The following TENM2 variants were observed in gnomAD, a reference collection of about 807,000 sequenced individuals.
The protein encoded by TENM2 is teneurin transmembrane protein 2.
A neutral mutation model predicts 245.2 loss-of-function variants in TENM2; 52 were observed. That is an observed-to-expected ratio of 0.21 (90% CI 0.17 to 0.27). The LOEUF (loss-of-function observed/expected upper bound fraction) is 0.27. Ranked by LOEUF, TENM2 falls within the 10% of genes least tolerant of loss-of-function variation. TENM2 has a pLI of 1.00. For synonymous variants in TENM2, 1,363 were observed against 1,438.9 expected, an observed-to-expected ratio of 0.95 and a Z score of 1.19; for missense variants, 3,046 against 3,666.8, an observed-to-expected ratio of 0.83 and a Z score of 4.37.
At chr5:167,330,758 G>A (rs967833435) in intron 1 of TENM2, among the ~76,000 whole-genome samples, 1 of 152,142 alleles carries the variant, frequency 6.6e-6, no homozygotes, top group Non-Finnish European at 1.5e-5. Flanking sequence ...ATTTGCTATA[G>A]CATTTGAGGT....
In TENM2 at chr5:168,226,484, T is replaced by C. The variant is rs116836059; in HGVS notation, c.5284+221T>C. The stretch of plus-strand genomic sequence containing the variant: ...AGAATGTCATCTACACCCAGCCAAA[T>C]GTCTAGATATTTGAACTGTCTACAT... On this transcript the variant is annotated intron_variant, in intron 24 of 28. Transcript: ENST00000518659. Among the ~76,000 whole-genome samples, 791 of 152,266 alleles carry C rather than the reference T, an allele frequency of 5.2e-3. 5 individuals carry two copies. The highest frequency in any genetic ancestry group is 0.018 in the African/African-American group (762 of 41,552).
intron 2 of TENM2, among the ~76,000 whole-genome samples, chr5:167,464,006 G>A (rs1174488245): frequency 6.6e-6 from 1 of 152,158 alleles, no homozygotes; most frequent in East Asian, 1.9e-4. Context: ...TTAGGTGGGA[G>A]GATGAAGATC....
intron 2 of TENM2, among the ~76,000 whole-genome samples, chr5:167,636,053 C>A (rs1461278603): frequency 1.3e-5 from 2 of 151,936 alleles, no homozygotes; most frequent in African/African-American, 4.8e-5. Flanking sequence ...GTTCATTGAC[C>A]AGTTATTTTA....
chr5:168,153,914 G>A (rs1328380139), intron 12 of TENM2, among the ~76,000 whole-genome samples: 1 of 152,056 alleles, frequency 6.6e-6, no homozygotes, highest in Non-Finnish European at 1.5e-5. Flanking sequence ...ATGAGTTGGG[G>A]TGCGTTTTAG....
At chr5:167,777,831 A>C (rs1230073284) in intron 2 of TENM2, among the ~76,000 whole-genome samples, 1 of 152,226 alleles carries the variant, frequency 6.6e-6, no homozygotes, top group Non-Finnish European at 1.5e-5. Context: ...TCACAGAAAA[A>C]AAAATGCAAG....
chr5:168,065,518 G>A (rs534930720), intron 7 of TENM2, among the ~76,000 whole-genome samples: 7 of 152,082 alleles, frequency 4.6e-5, no homozygotes, highest in South Asian at 4.1e-4. Flanking sequence ...CTTTGTAAAC[G>A]AAAGCGCAAT....
the TENM2 span, among the ~76,000 whole-genome samples, chr5:167,147,248 G>C: frequency 6.6e-6 from 1 of 152,154 alleles, no homozygotes; most frequent in African/African-American, 2.4e-5. Flanking sequence ...AAGGATCTGA[G>C]CCTGCTCATT....
At chr5:167,651,262 G>A (rs1182435584) in intron 2 of TENM2, among the ~76,000 whole-genome samples, 1 of 152,018 alleles carries the variant, frequency 6.6e-6, no homozygotes, top group Non-Finnish European at 1.5e-5. Flanking sequence ...CTGAATATAT[G>A]ATGATTAAAG....
At chr5:167,463,457 A>G (rs898671588) in intron 2 of TENM2, among the ~76,000 whole-genome samples, 1 of 152,138 alleles carries the variant, frequency 6.6e-6, no homozygotes, top group Non-Finnish European at 1.5e-5. Flanking sequence ...TTCAGCAATT[A>G]TGTGTATGTG....
the TENM2 span, among the ~76,000 whole-genome samples, chr5:167,121,270 T>C: frequency 1.3e-5 from 2 of 152,080 alleles, no homozygotes; most frequent in African/African-American, 4.8e-5. Context: ...CTGAAGATTA[T>C]GAAAGCAGTA....
chr5:167,697,656 C>T (rs549189930), intron 2 of TENM2, among the ~76,000 whole-genome samples: 2 of 152,260 alleles, frequency 1.3e-5, no homozygotes, highest in Admixed American at 1.3e-4. Context: ...TCCCTACTAG[C>T]TGGGATTACA....
chr5:167,786,065 A>G (rs1213871229), intron 2 of TENM2, among the ~76,000 whole-genome samples: 1 of 152,090 alleles, frequency 6.6e-6, no homozygotes, highest in Non-Finnish European at 1.5e-5. Flanking sequence ...TCCTTACCCA[A>G]TGTGTCACAC....
intron 12 of TENM2, among the ~76,000 whole-genome samples, chr5:168,137,867 T>C (rs1755193564): frequency 6.6e-6 from 1 of 152,178 alleles, no homozygotes; most frequent in Non-Finnish European, 1.5e-5. Flanking sequence ...GAAAGATCAG[T>C]ATCTATTCAC....
At chr5:167,214,160 T>C in the TENM2 span, among the ~76,000 whole-genome samples, 1 of 152,234 alleles carries the variant, frequency 6.6e-6, no homozygotes, top group Non-Finnish European at 1.5e-5. Context: ...TGTCGTGTGA[T>C]GGTAAATGTT....
the TENM2 span, among the ~76,000 whole-genome samples, chr5:167,217,579 G>A: frequency 6.6e-6 from 1 of 151,880 alleles, no homozygotes; most frequent in Non-Finnish European, 1.5e-5. Context: ...ACCTGTGGCC[G>A]AGCTGTGCTA....
chr5:167,439,118 G>T (rs1038853448), intron 2 of TENM2, among the ~76,000 whole-genome samples: 1 of 152,212 alleles, frequency 6.6e-6, no homozygotes, highest in Non-Finnish European at 1.5e-5. Flanking sequence ...CATATGCCAT[G>T]TGAGAGAGTT....
At chr5:167,839,178 G>A (rs1561840211) in intron 2 of TENM2, among the ~76,000 whole-genome samples, 2 of 152,282 alleles carry the variant, frequency 1.3e-5, no homozygotes, top group Middle Eastern at 3.4e-3. Context: ...GCTTCTCAAT[G>A]ACACCCACAT....
intron 2 of TENM2, among the ~76,000 whole-genome samples, chr5:167,452,343 C>G (rs1369509169): frequency 6.6e-6 from 1 of 152,090 alleles, no homozygotes; most frequent in Non-Finnish European, 1.5e-5. Context: ...CTCACTAGTG[C>G]ATTATACGCA....
intron 2 of TENM2, among the ~76,000 whole-genome samples, chr5:167,543,522 TC>T (rs935160943): frequency 3.9e-5 from 6 of 152,150 alleles, no homozygotes; most frequent in Non-Finnish European, 5.9e-5. Flanking sequence ...TCACCAAGAT[TC>T]CCCAATATTT....
Sources: allele counts gnomAD v4.1 joint callset (sites outside exome capture counted in the v4.1 genomes callset), GRCh38; gene constraint gnomAD v4.1.1; transcripts MANE v1.5; gene names NCBI Gene and HGNC (gene_info 2026-07-23, HGNC 2026-07-21).